Variants in SYNGR1 observed in about 807,000 individuals in gnomAD.
SYNGR1 encodes synaptogyrin 1.
A neutral mutation model predicts 26.1 loss-of-function variants in SYNGR1; 14 were observed. The ratio of observed to expected loss-of-function variants is 0.54; its 90% CI spans 0.35 to 0.84. SYNGR1 has a LOEUF of 0.84. SYNGR1 is among the 40% of genes least tolerant of loss of function. The probability of loss-of-function intolerance (pLI) is 0.01; values close to 1 mark genes in which losing one functional copy is unlikely to be tolerated. For missense variants in SYNGR1, 319 were observed against 332.9 expected, an observed-to-expected ratio of 0.96 and a Z score of 0.33; for synonymous variants, 141 against 150.1, an observed-to-expected ratio of 0.94 and a Z score of 0.44.
rs1040726964 is a variant in SYNGR1 at position 39,377,953 on chromosome 22, T to A, written c.483+1756T>A. 8.4e-6 allele frequency: 11 copies of A among 1,302,094 alleles called. No homozygotes were observed. In the African/African-American group the frequency reaches 1.5e-4, roughly 18 times the overall value. The allele number at this position is 1,302,094 out of a possible 1,614,324, so 80.7% of individuals were successfully genotyped here. A position where few individuals can be genotyped will look rare whatever the true frequency, so the allele number is the denominator to read the frequency against. ...TGATGAATTAGGTGGGGTCCTTGGC[T>A]CCAGGAGCCCACAGGCTGGGGAGGA... On this transcript the variant is annotated intron_variant, in intron 3 of 3. Transcript: ENST00000328933.
chr22:39,353,726 A>T (rs1174159212), intron 1 of SYNGR1, among the ~76,000 whole-genome samples: 1 of 152,062 alleles, frequency 6.6e-6, no homozygotes, highest in Non-Finnish European at 1.5e-5. Flanking sequence ...CCAGATGGGA[A>T]AAAAAGGAGT....
At chr22:39,357,991 G>A (rs1403870569) in intron 1 of SYNGR1, among the ~76,000 whole-genome samples, 2 of 152,266 alleles carry the variant, frequency 1.3e-5, no homozygotes, top group South Asian at 4.1e-4. Context: ...GCGAGCGCAC[G>A]GCGCGGGAGT....
intron 1 of SYNGR1, among the ~76,000 whole-genome samples, chr22:39,369,412 G>A (rs1396049638): frequency 6.6e-6 from 1 of 152,174 alleles, no homozygotes; most frequent in Non-Finnish European, 1.5e-5. Context: ...CTGTGCCTCT[G>A]AGCACCAGAC....
At position 39,371,872 on chromosome 22, in the gene SYNGR1, A is replaced by G. The variant is rs182946434; in HGVS notation, c.100-2444A>G. ...TTGTGTGACTTTGGGTGTGTTAACA[A>G]TAGCTGAGCCTTAACTGTCTTATCT... On this transcript the variant is annotated intron_variant, in intron 1 of 3. Transcript: ENST00000328933. Among the ~76,000 whole-genome samples the G allele has an allele frequency of 5.8e-4, 88 of 151,860 alleles. 1 individual carries two copies. The East Asian group carries it at 0.01, about 18-fold the overall frequency.
intron 3 of SYNGR1, chr22:39,377,533 C>T (rs898730802): frequency 1.3e-6 from 2 of 1,586,086 alleles, no homozygotes; most frequent in African/African-American, 2.7e-5. Flanking sequence ...CCCCTGAAGC[C>T]AGCCTCCCTC....
chr22:39,357,831 T>C (rs923735550), intron 1 of SYNGR1, among the ~76,000 whole-genome samples: 4 of 152,200 alleles, frequency 2.6e-5, no homozygotes, highest in African/African-American at 9.7e-5. Context: ...TTAGCTGCCT[T>C]CCCTCGGGGC....
At position 39,383,540 on chromosome 22, in the gene SYNGR1, A is replaced by C. The variant is rs1601670746; in HGVS notation, c.*1626A>C. 1 of 152,352 alleles carries C rather than the reference A, an allele frequency of 6.6e-6. No homozygotes were observed. Among genetic ancestry groups the C allele is most frequent in the East Asian group, 1.9e-4 (1 of 5,288 alleles). The allele number at this position is 152,352 out of a possible 1,614,324, so 9.4% of individuals were successfully genotyped here. On this transcript the variant is annotated 3_prime_UTR_variant, in exon 4 of 4. Coordinates refer to ENST00000328933, the MANE Select transcript of SYNGR1 (RefSeq NM_004711.5). The stretch of plus-strand genomic sequence containing the variant: ...TGGGGGCCCATCCCCCTGTCCACCC[A>C]GTGTCCACTGGCCTGTCCTTCAGGG...
intron 1 of SYNGR1, among the ~76,000 whole-genome samples, chr22:39,357,561 G>A (rs985299420): frequency 8.6e-5 from 13 of 152,034 alleles, no homozygotes; most frequent in African/African-American, 3.1e-4. Flanking sequence ...GGGAACCGGG[G>A]CTGCGTGCGG....
chr22:39,374,615 G>A, intron 2 of SYNGR1, 62 bp downstream of exon 2: 1 of 1,559,616 alleles, frequency 6.4e-7, no homozygotes, highest in Non-Finnish European at 8.8e-7. Context: ...CCGGCCATAG[G>A]AGGCGGCTGC....
chr22:39,372,659 G>A (rs756383748), intron 1 of SYNGR1, among the ~76,000 whole-genome samples: 1 of 151,360 alleles, frequency 6.6e-6, no homozygotes, highest in African/African-American at 2.4e-5. Context: ...AGTAGAGACA[G>A]GGTTTCTCCA....
In SYNGR1 at chr22:39,384,919, A is replaced by G; in HGVS notation, c.*3005A>G. 2.5e-6 allele frequency: 1 copy of G among 398,926 alleles called. No homozygotes were observed. The highest frequency in any genetic ancestry group is 4.4e-6 in the Non-Finnish European group (1 of 226,134). The allele number at this position is 398,926 out of a possible 1,614,324, so 24.7% of individuals were successfully genotyped here. A position where few individuals can be genotyped will look rare whatever the true frequency, so the allele number is the denominator to read the frequency against. ...GGTCTTCTGCCTTCTGAGTTGGCTC[A>G]TCCTGGGCAGTCACAGACTGTCCTG... On this transcript the variant is annotated 3_prime_UTR_variant, in exon 4 of 4. Transcript: ENST00000328933.
intron 1 of SYNGR1, among the ~76,000 whole-genome samples, chr22:39,354,288 T>C (rs188719144): frequency 1.3e-5 from 2 of 152,318 alleles, no homozygotes; most frequent in East Asian, 3.9e-4. Flanking sequence ...GTGGGGTGGG[T>C]ATCTTCCCCC....
chr22:39,353,336 C>G (rs921020317), intron 1 of SYNGR1, among the ~76,000 whole-genome samples: 1 of 152,164 alleles, frequency 6.6e-6, no homozygotes, highest in Non-Finnish European at 1.5e-5. Flanking sequence ...CCTCCAAGAC[C>G]TGGCTTGTCT....
At chr22:39,376,473 C>A (rs369714263) in intron 3 of SYNGR1, among the ~76,000 whole-genome samples, 8 of 145,522 alleles carry the variant, frequency 5.5e-5, no homozygotes, top group South Asian at 4.5e-4. Flanking sequence ...ACCCCCCCCC[C>A]AAACCACTCT....
In SYNGR1 at chr22:39,385,058, C is replaced by T. The variant is rs558719122; in HGVS notation, c.*3144C>T. The stretch of plus-strand genomic sequence containing the variant: ...TGGTGATTCTTGATCTTCAAAGCCT[C>T]GGGGATCCCAGGTTTCCCCATGTAA... On this transcript the variant is annotated 3_prime_UTR_variant, in exon 4 of 4. Coordinates refer to ENST00000328933, the MANE Select transcript of SYNGR1 (RefSeq NM_004711.5). 1.8e-5 allele frequency: 7 copies of T among 398,790 alleles called. No homozygotes were observed. The highest frequency in any genetic ancestry group is 4.4e-5 in the Admixed American group (1 of 22,710). 24.7% of individuals were successfully genotyped at this position (398,790 alleles called of 1,614,324 possible).
chr22:39,364,021 G>A (rs1385617565), intron 1 of SYNGR1: 3 of 1,012,234 alleles, frequency 3.0e-6, no homozygotes, highest in East Asian at 2.7e-5. Flanking sequence ...CATGCTGGCT[G>A]GGCACAGCTC....
chr22:39,374,968 A>C, intron 2 of SYNGR1: 1 of 278,098 alleles, frequency 3.6e-6, no homozygotes, highest in Non-Finnish European at 7.0e-6. Context: ...CAGCCTCCCC[A>C]CGCCTCCCAG....
intron 1 of SYNGR1, among the ~76,000 whole-genome samples, chr22:39,367,499 A>C (rs1235790834): frequency 6.6e-6 from 1 of 152,150 alleles, no homozygotes; most frequent in East Asian, 1.9e-4. Flanking sequence ...CGGGGCCAGC[A>C]CATGAAGGGC....
At chr22:39,363,810 T>TC (rs1924603353) in intron 1 of SYNGR1, among the ~76,000 whole-genome samples, 1 of 151,898 alleles carries the variant, frequency 6.6e-6, no homozygotes, top group Admixed American at 6.6e-5. Context: ...GGACCAGGGC[T>TC]CCCCCGAGCC....
Sources: gnomAD v4.1 joint callset for allele counts (sites outside exome capture counted in the v4.1 genomes callset) on GRCh38, gnomAD v4.1.1 for gene constraint, MANE v1.5 for transcripts, NCBI Gene and HGNC (gene_info 2026-07-23, HGNC 2026-07-21) for gene names.